RIMS2: variants seen among roughly 807,000 people sequenced by gnomAD.
RIMS2 encodes the protein regulating synaptic membrane exocytosis protein 2.
RIMS2 carries 59 observed loss-of-function variants against 174.4 expected under a neutral mutation model. That is an observed-to-expected ratio of 0.34 (90% CI 0.27 to 0.42). The LOEUF (loss-of-function observed/expected upper bound fraction) is 0.42. RIMS2 is among the 10% of genes least tolerant of loss of function. The pLI, the probability that RIMS2 is intolerant of heterozygous loss-of-function variation, is 1.00. For missense variants in RIMS2, 1,620 were observed against 1,666.3 expected, an observed-to-expected ratio of 0.97 and a Z score of 0.48; for synonymous variants, 606 against 572.5, an observed-to-expected ratio of 1.06 and a Z score of -0.84.
intron 3 of RIMS2, among the ~76,000 whole-genome samples, chr8:103,774,536 A>C (rs2098291008): frequency 6.6e-6 from 1 of 152,230 alleles, no homozygotes; most frequent in South Asian, 2.1e-4. Flanking sequence ...GCACAAAAAC[A>C]TGGATAAATC....
chr8:103,764,501 T>G (rs921365656), intron 2 of RIMS2, among the ~76,000 whole-genome samples: 3 of 152,210 alleles, frequency 2.0e-5, no homozygotes, highest in Admixed American at 6.5e-5. Context: ...ATCAAAAGGC[T>G]GAGATGCTGG....
chr8:103,596,520 T>A (rs2094483047), intron 1 of RIMS2, among the ~76,000 whole-genome samples: 1 of 152,174 alleles, frequency 6.6e-6, no homozygotes, highest in South Asian at 2.1e-4. Context: ...ATTAATAATA[T>A]CTTTGTGTTG....
intron 1 of RIMS2, among the ~76,000 whole-genome samples, chr8:103,510,942 A>G (rs956657799): frequency 1.3e-5 from 2 of 152,116 alleles, no homozygotes; most frequent in Admixed American, 1.3e-4. Flanking sequence ...ATTTGGATAT[A>G]TATTTTTTTA....
chr8:104,198,139 G>A (rs577856627), intron 19 of RIMS2, among the ~76,000 whole-genome samples: 2 of 152,194 alleles, frequency 1.3e-5, no homozygotes, highest in African/African-American at 4.8e-5. Context: ...ATGGTACAAA[G>A]GATGCGGTTC....
chr8:103,531,344 G>GA (rs1044953668), intron 1 of RIMS2, among the ~76,000 whole-genome samples: 5 of 151,954 alleles, frequency 3.3e-5, no homozygotes, highest in African/African-American at 9.7e-5. Flanking sequence ...AATCAATAAT[G>GA]AAAAAAATAA....
intron 3 of RIMS2, among the ~76,000 whole-genome samples, chr8:103,816,726 A>G (rs1030809722): frequency 2.0e-5 from 3 of 152,182 alleles, no homozygotes; most frequent in African/African-American, 7.2e-5. Context: ...GCTCACTAGC[A>G]TGGGTGTAGT....
Position 103,812,331 on chromosome 8 carries a change from GTTTTT to G in RIMS2, c.698+45813_698+45817del, listed in dbSNP as rs71575985. ...GGTCAAATTATTACCTTATTACCTT[GTTTTT>G]TTTTTTTTTTTTTTTTTTGTTGTTG... On this transcript the variant is annotated intron_variant, in intron 3 of 23. Coordinates refer to ENST00000504942, the Ensembl canonical transcript of RIMS2. 2.7e-5 allele frequency among the ~76,000 whole-genome samples: 3 copies of G among 111,612 alleles called. No individual in the cohort carries two copies. The Admixed American group carries it at 3.4e-4, about 13-fold the overall frequency. 73.2% of individuals were successfully genotyped at this position (111,612 alleles called of 152,430 possible).
chr8:103,959,714 G>A (rs1413986989), intron 14 of RIMS2, among the ~76,000 whole-genome samples: 1 of 151,940 alleles, frequency 6.6e-6, no homozygotes, highest in African/African-American at 2.4e-5. Context: ...GTGAGCCACC[G>A]TGTATCTCTA....
chr8:103,621,280 T>C (rs2095628275), intron 1 of RIMS2, among the ~76,000 whole-genome samples: 1 of 152,224 alleles, frequency 6.6e-6, no homozygotes, highest in African/African-American at 2.4e-5. Context: ...GGGTCATTGA[T>C]AACCTGACGT....
At position 103,912,050 on chromosome 8, in the gene RIMS2, C is replaced by A; in HGVS notation, c.1693-3C>A. 6.4e-7 allele frequency: 1 copy of A among 1,564,472 alleles called. No individual in the cohort carries two copies. Among genetic ancestry groups the A allele is most frequent in the South Asian group, 1.2e-5 (1 of 81,772 alleles). On this transcript the variant is annotated splice_region_variant and splice_polypyrimidine_tract_variant and intron_variant, in intron 5 of 23. Transcript: ENST00000504942. ...TATTTTGTTTGTTGATGCAAAATGT[C>A]AGCACCCTGTAACCTGGCAACCATC...
At chr8:103,998,936 G>T (rs190916919) in intron 17 of RIMS2, among the ~76,000 whole-genome samples, 1 of 151,864 alleles carries the variant, frequency 6.6e-6, no homozygotes, top group Non-Finnish European at 1.5e-5. Context: ...AGCAAGAAGG[G>T]TTAACTAGAA....
intron 1 of RIMS2, among the ~76,000 whole-genome samples, chr8:103,679,691 C>G (rs1281342927): frequency 6.6e-6 from 1 of 151,710 alleles, no homozygotes; most frequent in Non-Finnish European, 1.5e-5. Context: ...ATGAGGGAGA[C>G]TTTGATATAG....
intron 19 of RIMS2, among the ~76,000 whole-genome samples, chr8:104,188,237 A>AGAT (rs1280303732): frequency 2.2e-5 from 3 of 138,872 alleles, no homozygotes; most frequent in East Asian, 2.2e-4. Context: ...ATAGATAGAT[A>AGAT]GATAGATAGA....
intron 1 of RIMS2, among the ~76,000 whole-genome samples, chr8:103,558,800 T>A (rs1231892250): frequency 2.0e-5 from 3 of 152,136 alleles, no homozygotes; most frequent in Admixed American, 6.6e-5. Context: ...CCAAACAATA[T>A]GTGCAAAAAT....
intron 1 of RIMS2, among the ~76,000 whole-genome samples, chr8:103,603,101 C>T (rs1036198588): frequency 6.6e-6 from 1 of 150,722 alleles, no homozygotes; most frequent in Non-Finnish European, 1.5e-5. Flanking sequence ...CACCCACTAA[C>T]TCGTCATCTA....
rs2135444574 is a variant in RIMS2 at position 104,171,403 on chromosome 8, T to C, written c.3335-73513T>C. Among the ~76,000 whole-genome samples, 3 of 152,136 alleles carry C rather than the reference T, an allele frequency of 2.0e-5. No homozygotes were observed. In the South Asian group the frequency reaches 6.2e-4, roughly 32 times the overall value. On this transcript the variant is annotated intron_variant, in intron 19 of 23. Transcript: ENST00000504942. ...AAAGCCTTGTCTTTGAGCTCTGGAA[T>C]TCTTTTTTCTACTTGTTCTATTGCT...
chr8:103,740,162 T>G (rs2097745174), intron 2 of RIMS2, among the ~76,000 whole-genome samples: 1 of 152,178 alleles, frequency 6.6e-6, no homozygotes, highest in Non-Finnish European at 1.5e-5. Context: ...TCTTCTGTTG[T>G]CAGAATAGTC....
At position 104,238,213 on chromosome 8, in the gene RIMS2, C is replaced by T. The variant is rs557203270; in HGVS notation, c.3335-6703C>T. 8.1e-4 allele frequency among the ~76,000 whole-genome samples: 124 copies of T among 152,184 alleles called. 1 individual carries two copies. Among genetic ancestry groups the T allele is most frequent in the African/African-American group, 2.8e-3 (116 of 41,540 alleles). On this transcript the variant is annotated intron_variant, in intron 19 of 23. Coordinates refer to ENST00000504942, the Ensembl canonical transcript of RIMS2. ...CTAACACAGAACAGAAAACCAAACA[C>T]CGCATGTTCTCACTCATAAGTGGGA...
At chr8:104,227,981 A>G (rs2099198956) in intron 19 of RIMS2, among the ~76,000 whole-genome samples, 2 of 152,042 alleles carry the variant, frequency 1.3e-5, no homozygotes. Context: ...ACTGGAATAA[A>G]AAGACCTATT....
Sources: allele counts gnomAD v4.1 joint callset (sites outside exome capture counted in the v4.1 genomes callset), GRCh38; gene constraint gnomAD v4.1.1; transcripts MANE v1.5; gene names NCBI Gene and HGNC (gene_info 2026-07-23, HGNC 2026-07-21).